The following CDON variants were observed in gnomAD, a reference collection of about 807,000 sequenced individuals.
The protein encoded by CDON is cell adhesion molecule-related/down-regulated by oncogenes.
A neutral mutation model predicts 120.9 loss-of-function variants in CDON; 73 were observed. The observed-to-expected ratio is 0.60, with a 90% CI of 0.50 to 0.73. The LOEUF (loss-of-function observed/expected upper bound fraction) is 0.73, where lower values mean the gene tolerates loss of function less well. Ranked by LOEUF, CDON falls within the 30% of genes least tolerant of loss-of-function variation. The pLI is 0.00. For missense variants in CDON, 1,470 were observed against 1,587.3 expected, an observed-to-expected ratio of 0.93 and a Z score of 1.26; for synonymous variants, 566 against 573.5, an observed-to-expected ratio of 0.99 and a Z score of 0.19.
chr11:125,965,973 A>G (rs1945786612), intron 18 of CDON, among the ~76,000 whole-genome samples: 1 of 152,042 alleles, frequency 6.6e-6, no homozygotes. Context: ...CGTCTCTACT[A>G]AAAAATACAA....
In CDON at chr11:126,005,543, C is replaced by T; in HGVS notation, c.1851+216G>A. ...ACACATGTAAAGACATCATTGGGTT[C>T]CTAGAATTCCAATTTGGGGGGAAAT... On this transcript the variant is annotated intron_variant, in intron 9 of 19. Coordinates refer to ENST00000531738, the MANE Select transcript of CDON (RefSeq NM_001378964.1). The T allele has an allele frequency of 8.4e-6, 5 of 592,562 alleles. No homozygotes were observed. The South Asian group carries it at 9.8e-5, about 12-fold the overall frequency. 36.7% of individuals were successfully genotyped at this position (592,562 alleles called of 1,614,324 possible).
chr11:126,019,574 G>C, intron 4 of CDON, 45 bp downstream of exon 4: 1 of 1,605,750 alleles, frequency 6.2e-7, no homozygotes, highest in Non-Finnish European at 8.5e-7. Context: ...TATTTAATGA[G>C]CATTTGTTCT....
intron 15 of CDON, among the ~76,000 whole-genome samples, chr11:125,987,600 C>A (rs11825101): frequency 0.015 from 2,222 of 152,266 alleles, 55 homozygotes; most frequent in African/African-American, 0.051. Context: ...CCTTTTCATT[C>A]CCTACTGATG....
chr11:126,060,578 G>A (rs1948774110), intron 1 of CDON, among the ~76,000 whole-genome samples: 1 of 151,720 alleles, frequency 6.6e-6, no homozygotes, highest in Admixed American at 6.6e-5. Context: ...TTCTACAGAA[G>A]GAAAATTTTA....
rs767788013 is a variant in CDON at position 125,997,419 on chromosome 11, G to A, written c.2159-9C>T. The A allele has an allele frequency of 4.3e-5, 69 of 1,594,308 alleles. No homozygotes were observed. The highest frequency in any genetic ancestry group is 1.7e-4 in the Middle Eastern group (1 of 6,052). On this transcript the variant is annotated splice_polypyrimidine_tract_variant and intron_variant, in intron 11 of 19. Coordinates refer to ENST00000531738, the MANE Select transcript of CDON (RefSeq NM_001378964.1). The stretch of plus-strand genomic sequence containing the variant: ...ATCTGGTGCCTCTGGAACTAAACAC[G>A]GAAACGTTCATTTCAATAACCCACC...
At chr11:126,027,875 C>T (rs1440623061) in intron 1 of CDON, among the ~76,000 whole-genome samples, 1 of 151,388 alleles carries the variant, frequency 6.6e-6, no homozygotes, top group Non-Finnish European at 1.5e-5. Flanking sequence ...TTCTAGTGAA[C>T]ATAACATTCA....
At chr11:125,986,175 T>C (rs910951232) in intron 15 of CDON, among the ~76,000 whole-genome samples, 5 of 152,106 alleles carry the variant, frequency 3.3e-5, no homozygotes, top group Admixed American at 1.3e-4. Flanking sequence ...GCGACATGGA[T>C]GAAGCTGGAA....
At chr11:126,010,749 T>G (rs111982212) in intron 7 of CDON, 55 bp from the exon 8 acceptor site, 1 of 1,414,078 alleles carries the variant, frequency 7.1e-7, no homozygotes. Flanking sequence ...GTACCTACGA[T>G]GCAAAACAAC....
intron 14 of CDON, 141 bp downstream of exon 14, chr11:125,994,143 T>G (rs1946707821): frequency 1.5e-6 from 1 of 676,874 alleles, no homozygotes; most frequent in Admixed American, 2.2e-5. Context: ...AAGGTGGCTT[T>G]CTTTGGGACA....
Position 125,994,827 on chromosome 11 carries a change from C to T in CDON, c.2544+44G>A, listed in dbSNP as rs773509379. ...ATGAGAATATTAAATTGATTGTTAA[C>T]ATGACCAAACCACAAAATCTCATTC... On this transcript the variant is annotated intron_variant, in intron 13 of 19. Coordinates refer to ENST00000531738, the MANE Select transcript of CDON (RefSeq NM_001378964.1). 13 of 1,545,736 alleles carry T rather than the reference C, an allele frequency of 8.4e-6. No homozygotes were observed. In the South Asian group the frequency reaches 1.0e-4, roughly 12 times the overall value.
intron 1 of CDON, among the ~76,000 whole-genome samples, chr11:126,054,819 T>C (rs1948645897): frequency 6.6e-6 from 1 of 152,144 alleles, no homozygotes; most frequent in African/African-American, 2.4e-5. Context: ...GGGCCAATGG[T>C]ACATAGGGGA....
rs1225621619 is a variant in CDON, at chr11:126,004,021, C to T, written c.1907G>A (p.Ser636Asn). 7.4e-6 allele frequency: 12 copies of T among 1,614,072 alleles called. No homozygotes were observed. Among genetic ancestry groups the T allele is most frequent in the Non-Finnish European group, 9.3e-6 (11 of 1,180,012 alleles). The change falls in exon 10 of 20, where the codon AGT becomes AAT. Residue 636 changes from serine (S) to asparagine (N), a missense_variant. By Grantham distance (46) the Ser-to-Asn change is conservative. Transcript: ENST00000531738. ...GSWHTVRVPG[S>N]ENELHLAELE... is the part of the protein sequence containing the mutation. ...CTCAGCTAAATGGAGCTCATTTTCA[C>T]TTCCTGGGACTCGAACCGTGTGCCA...
At chr11:126,048,282 CAAA>C (rs1239820423) in intron 1 of CDON, among the ~76,000 whole-genome samples, 3 of 119,494 alleles carry the variant, frequency 2.5e-5, no homozygotes, top group Non-Finnish European at 3.5e-5. Context: ...GACTCTGTCT[CAAA>C]AAAAAAAAAA....
chr11:125,991,401 G>GA, intron 14 of CDON, among the ~76,000 whole-genome samples: 1 of 152,222 alleles, frequency 6.6e-6, no homozygotes. Context: ...ACCTCAGAGA[G>GA]AAACCAAAAC....
chr11:126,062,438 G>A (rs1197925809), intron 1 of CDON, 141 bp downstream of exon 1: 1 of 152,246 alleles, frequency 6.6e-6, no homozygotes, highest in Non-Finnish European at 1.5e-5. Context: ...CCCGCACGCA[G>A]CCCTGCACCC....
rs531275374 is a variant in CDON at position 126,001,623 on chromosome 11, T to C, written c.2158+96A>G. On this transcript the variant is annotated intron_variant, in intron 11 of 19. Coordinates refer to ENST00000531738, the MANE Select transcript of CDON (RefSeq NM_001378964.1). ...CCTAAAAGAACTGTATGGTAAGATA[T>C]GAAAATAAACAAACACCCTATTCCA... The C allele has an allele frequency of 1.6e-4, 165 of 1,031,766 alleles. 3 individuals are homozygous for C. The African/African-American group carries it at 1.7e-3, about 11-fold the overall frequency. The allele number at this position is 1,031,766 out of a possible 1,614,324, so 63.9% of individuals were successfully genotyped here. A position where few individuals can be genotyped will look rare whatever the true frequency, so the allele number is the denominator to read the frequency against.
At chr11:125,995,779 A>C (rs1424819106) in intron 12 of CDON, among the ~76,000 whole-genome samples, 1 of 152,224 alleles carries the variant, frequency 6.6e-6, no homozygotes, top group Admixed American at 6.5e-5. Flanking sequence ...ACCACATTTA[A>C]AACTGATGCT....
chr11:125,998,015 T>C (rs1416044438), intron 11 of CDON, among the ~76,000 whole-genome samples: 1 of 152,138 alleles, frequency 6.6e-6, no homozygotes, highest in Non-Finnish European at 1.5e-5. Context: ...AGACAGGATA[T>C]GTCATTAAAC....
intron 1 of CDON, among the ~76,000 whole-genome samples, chr11:126,042,948 G>A (rs571376478): frequency 6.6e-6 from 1 of 152,152 alleles, no homozygotes; most frequent in Non-Finnish European, 1.5e-5. Context: ...ATTGAGGCAG[G>A]AGAATAGGGT....
Sources: gnomAD v4.1 joint callset for allele counts (sites outside exome capture counted in the v4.1 genomes callset) on GRCh38, gnomAD v4.1.1 for gene constraint, MANE v1.5 for transcripts, NCBI Gene and HGNC (gene_info 2026-07-23, HGNC 2026-07-21) for gene names.